Variants in SAXO2 observed in about 807,000 individuals in gnomAD.
SAXO2 encodes family with sequence similarity 154, member B.
Under a neutral mutation model 18.7 loss-of-function variants are expected in SAXO2, and 17 were observed. The observed-to-expected ratio is 0.91, with a 90% CI of 0.62 to 1.36. The LOEUF (loss-of-function observed/expected upper bound fraction) is 1.36. Among genes scored for constraint, SAXO2 ranks in the 40% most tolerant of loss-of-function variants. SAXO2 has a pLI of 0.00. For synonymous variants in SAXO2, 163 were observed against 181.2 expected (o/e 0.90, Z 0.81); for missense variants, 486 against 562.6 (o/e 0.86, Z 1.38).
At chr15:82,263,416 G>A in intron 1 of SAXO2, 1 of 710,548 alleles carries the variant, frequency 1.4e-6, no homozygotes. Flanking sequence ...CAGTTCTTTG[G>A]GATCCGCCTG....
chr15:82,281,747 A>C (rs1362336240), intron 3 of SAXO2, among the ~76,000 whole-genome samples: 1 of 151,510 alleles, frequency 6.6e-6, no homozygotes, highest in Non-Finnish European at 1.5e-5. Context: ...GTTGTAATTA[A>C]AATCCCAACC....
chr15:82,275,281 C>CAAA (rs756023248), intron 3 of SAXO2, among the ~76,000 whole-genome samples: 9,427 of 45,720 alleles, frequency 0.21, 1,542 homozygotes, highest in Middle Eastern at 0.29. Context: ...ACCTATCAAC[C>CAAA]AAAAAAAAAA....
rs766901863 is a variant in SAXO2 at position 82,262,830 on chromosome 15, C to G, written c.-50C>G. On this transcript the variant is annotated 5_prime_UTR_variant, in exon 1 of 4. Coordinates refer to ENST00000682753, the MANE Select transcript of SAXO2 (RefSeq NM_001348699.2). ...CCTCTGTTGCCTTGACTACGGCGGGCGCTGTGGGAGTGGAGAAGCTGCAAG... is the reference window on the plus strand; with the variant it reads ...CCTCTGTTGCCTTGACTACGGCGGGGGCTGTGGGAGTGGAGAAGCTGCAAG... The G allele has an allele frequency of 1.0e-4, 158 of 1,546,004 alleles. No homozygotes were observed. In the East Asian group the frequency reaches 3.7e-3, roughly 36 times the overall value.
At chr15:82,272,551 GT>G (rs967956011) in intron 3 of SAXO2, among the ~76,000 whole-genome samples, 1 of 151,894 alleles carries the variant, frequency 6.6e-6, no homozygotes, top group Admixed American at 6.6e-5. Flanking sequence ...TTGTTTTTGG[GT>G]TTTTTTTGTG....
intron 3 of SAXO2, among the ~76,000 whole-genome samples, chr15:82,272,835 G>A (rs1009246577): frequency 2.0e-5 from 3 of 150,984 alleles, no homozygotes; most frequent in East Asian, 2.0e-4. Flanking sequence ...GAGCCACCAC[G>A]CGTGGCCCAA....
intron 1 of SAXO2, among the ~76,000 whole-genome samples, chr15:82,265,197 G>A (rs2075203774): frequency 6.6e-6 from 1 of 152,178 alleles, no homozygotes; most frequent in Admixed American, 6.5e-5. Flanking sequence ...CTGGAGTGCA[G>A]TGGCAGGATC....
At chr15:82,264,423 T>C (rs567048530) in intron 1 of SAXO2, among the ~76,000 whole-genome samples, 2 of 151,784 alleles carry the variant, frequency 1.3e-5, no homozygotes, top group Admixed American at 6.6e-5. Flanking sequence ...TATTCTACAA[T>C]CCGGTTTTTT....
At chr15:82,262,955 G>A in intron 1 of SAXO2, 23 bp downstream of exon 1, 1 of 1,587,984 alleles carries the variant, frequency 6.3e-7, no homozygotes, top group African/African-American at 1.3e-5. Flanking sequence ...TGGTGTAGCG[G>A]CGGGCCCGGG....
Position 82,262,947 on chromosome 15 carries a change from G to A in SAXO2, c.53+15G>A. On this transcript the variant is annotated intron_variant, in intron 1 of 3. Coordinates refer to ENST00000682753, the MANE Select transcript of SAXO2 (RefSeq NM_001348699.2). ...TGTAGCTGCGGGTAAGAAACGGCTG[G>A]TGTAGCGGCGGGCCCGGGCTTGGGA... 6.3e-7 allele frequency: 1 copy of A among 1,598,396 alleles called. No individual in the cohort carries two copies. The highest frequency in any genetic ancestry group is 8.5e-7 in the Non-Finnish European group (1 of 1,172,726).
chr15:82,280,788 T>C (rs1233862100), intron 3 of SAXO2, among the ~76,000 whole-genome samples: 1 of 152,226 alleles, frequency 6.6e-6, no homozygotes, highest in Non-Finnish European at 1.5e-5. Context: ...CCCATTTCTA[T>C]CTCACTCATT....
At chr15:82,274,191 A>G (rs138195049) in intron 3 of SAXO2, among the ~76,000 whole-genome samples, 1 of 152,184 alleles carries the variant, frequency 6.6e-6, no homozygotes, top group Admixed American at 6.5e-5. Flanking sequence ...GGTTTCCTGT[A>G]GATTCTGATA....
At chr15:82,268,915 T>G (rs1017530416) in intron 2 of SAXO2, among the ~76,000 whole-genome samples, 1 of 152,256 alleles carries the variant, frequency 6.6e-6, no homozygotes, top group Non-Finnish European at 1.5e-5. Context: ...CTGGGACTTC[T>G]GAGCTTACTC....
intron 3 of SAXO2, among the ~76,000 whole-genome samples, chr15:82,274,862 A>G (rs1187913859): frequency 2.0e-5 from 3 of 152,004 alleles, no homozygotes; most frequent in African/African-American, 7.2e-5. Flanking sequence ...TAACATTGCA[A>G]CCAAAAGTAC....
chr15:82,267,485 TTTTGGG>T (rs2075230528), intron 2 of SAXO2, among the ~76,000 whole-genome samples: 1 of 152,188 alleles, frequency 6.6e-6, no homozygotes, highest in Non-Finnish European at 1.5e-5. Flanking sequence ...AGCTTAATGA[TTTTGGG>T]ACTCCAAGAT....
chr15:82,266,498 T>C (rs2075219830), intron 2 of SAXO2, among the ~76,000 whole-genome samples: 1 of 152,212 alleles, frequency 6.6e-6, no homozygotes. Context: ...ACTTCTCTAA[T>C]TCATTTTCAC....
Position 82,282,397 on chromosome 15 carries a change from T to C in SAXO2, c.712T>C (p.Phe238Leu). 2.5e-6 allele frequency: 4 copies of C among 1,614,170 alleles called. No individual in the cohort carries two copies. The highest frequency in any genetic ancestry group is 1.1e-5 in the South Asian group (1 of 91,076). Reference sequence around the variant, plus strand: ...AGTTTACAAACCAACTGACCAACGCTTTGAGGATCTCACAACTCACCGGTG... The same window carrying C: ...AGTTTACAAACCAACTGACCAACGCCTTGAGGATCTCACAACTCACCGGTG... ...KEVYKPTDQR[F>L]EDLTTHRCDF... is the part of the protein sequence containing the mutation. The change falls in exon 4 of 4, where the codon TTT (phenylalanine) becomes CTT (leucine). Residue 238 changes from phenylalanine to leucine, a missense_variant. Phe to Leu is a conservative substitution (Grantham distance 22). Transcript: ENST00000682753.
At chr15:82,264,991 C>G (rs2075201273) in intron 1 of SAXO2, 1 of 513,146 alleles carries the variant, frequency 1.9e-6, no homozygotes, top group East Asian at 3.1e-5. Context: ...ATGGGAAATT[C>G]CCTATTAGCT....
At chr15:82,276,955 C>G (rs2075320691) in intron 3 of SAXO2, among the ~76,000 whole-genome samples, 1 of 152,000 alleles carries the variant, frequency 6.6e-6, no homozygotes, top group African/African-American at 2.4e-5. Context: ...GTCAAAATTA[C>G]TATATTATGT....
rs765398530 is a variant in SAXO2, at chr15:82,268,876, C to G, written c.234-2727C>G. On this transcript the variant is annotated intron_variant, in intron 2 of 3. Transcript: ENST00000682753. The stretch of plus-strand genomic sequence containing the variant: ...TGCTTTGGGTTTGGAGGCATACTTT[C>G]TGACACTTAAATAGTCTAACCAGAG... Among the ~76,000 whole-genome samples the G allele has an allele frequency of 3.9e-5, 6 of 152,204 alleles. 1 individual carries two copies. Among genetic ancestry groups the G allele is most frequent in the Admixed American group, 6.5e-5 (1 of 15,268 alleles).
Sources: allele counts gnomAD v4.1 joint callset (sites outside exome capture counted in the v4.1 genomes callset), GRCh38; gene constraint gnomAD v4.1.1; transcripts MANE v1.5; gene names NCBI Gene and HGNC (gene_info 2026-07-23, HGNC 2026-07-21).